The following FSTL4 variants were observed in gnomAD, a reference collection of about 807,000 sequenced individuals.
FSTL4 encodes the protein follistatin-related protein 4.
FSTL4 carries 28 observed loss-of-function variants against 78.2 expected under a neutral mutation model. The observed-to-expected ratio is 0.36, with a 90% CI of 0.27 to 0.49. The LOEUF is 0.49. Ranked by LOEUF, FSTL4 falls within the 20% of genes least tolerant of loss-of-function variation. The probability of loss-of-function intolerance (pLI) is 0.98; values close to 1 mark genes in which losing one functional copy is unlikely to be tolerated. For synonymous variants in FSTL4, 422 were observed against 440.5 expected, an observed-to-expected ratio of 0.96 and a Z score of 0.53; for missense variants, 922 against 1,084.9, an observed-to-expected ratio of 0.85 and a Z score of 2.11.
At chr5:133,830,957 C>G in the FSTL4 span, among the ~76,000 whole-genome samples, 2 of 152,146 alleles carry the variant, frequency 1.3e-5, no homozygotes, top group Non-Finnish European at 2.9e-5. Flanking sequence ...TCCAGGGCCT[C>G]CCAGCTCTCC....
intron 4 of FSTL4, among the ~76,000 whole-genome samples, chr5:133,327,803 T>C (rs1446262437): frequency 2.0e-5 from 3 of 152,178 alleles, no homozygotes; most frequent in Non-Finnish European, 4.4e-5. Flanking sequence ...CCTGCTGGCA[T>C]TTGGCCATGC....
At chr5:133,458,031 CTA>C (rs1757526160) in intron 3 of FSTL4, 1 of 152,210 alleles carries the variant, frequency 6.6e-6, no homozygotes, top group South Asian at 2.1e-4. Context: ...ATCTATCTAT[CTA>C]TACGTTCAGC....
At chr5:133,579,283 TG>T (rs1760351871) in intron 2 of FSTL4, among the ~76,000 whole-genome samples, 1 of 152,192 alleles carries the variant, frequency 6.6e-6, no homozygotes, top group Non-Finnish European at 1.5e-5. Flanking sequence ...CAAGATCTCC[TG>T]GTAAGAATAT....
intron 8 of FSTL4, among the ~76,000 whole-genome samples, chr5:133,229,222 A>T (rs577610906): frequency 2.2e-4 from 33 of 152,368 alleles, no homozygotes; most frequent in African/African-American, 7.5e-4. Flanking sequence ...AACTCCAATT[A>T]AAAAATCAGT....
the FSTL4 span, among the ~76,000 whole-genome samples, chr5:133,750,026 C>A: frequency 6.6e-6 from 1 of 152,136 alleles, no homozygotes; most frequent in Non-Finnish European, 1.5e-5. Flanking sequence ...CAATCCAGAT[C>A]TGTAGGAATT....
At chr5:133,578,934 T>C (rs1198358973) in intron 2 of FSTL4, among the ~76,000 whole-genome samples, 1 of 152,236 alleles carries the variant, frequency 6.6e-6, no homozygotes, top group East Asian at 1.9e-4. Flanking sequence ...ATTAACTTTT[T>C]GATTTGGAAA....
the FSTL4 span, among the ~76,000 whole-genome samples, chr5:133,695,861 C>T: frequency 3.9e-5 from 6 of 152,172 alleles, no homozygotes; most frequent in Non-Finnish European, 7.3e-5. Context: ...TCCATGGAGG[C>T]CAGCCTTAGT....
chr5:133,733,006 G>A, the FSTL4 span, among the ~76,000 whole-genome samples: 45 of 152,220 alleles, frequency 3.0e-4, no homozygotes, highest in Non-Finnish European at 4.8e-4. Context: ...TTCCTGAACA[G>A]TTCAAGTTCT....
the FSTL4 span, among the ~76,000 whole-genome samples, chr5:133,802,124 TG>T: frequency 6.6e-6 from 1 of 152,250 alleles, no homozygotes; most frequent in Non-Finnish European, 1.5e-5. Context: ...GTAATGTCTT[TG>T]GGTTGAACAC....
At chr5:133,319,197 A>T (rs561281050) in intron 4 of FSTL4, among the ~76,000 whole-genome samples, 2 of 152,296 alleles carry the variant, frequency 1.3e-5, no homozygotes, top group South Asian at 4.1e-4. Flanking sequence ...TGCCCAACAG[A>T]CACCTTCTGG....
chr5:133,735,418 C>T, the FSTL4 span, among the ~76,000 whole-genome samples: 1 of 152,088 alleles, frequency 6.6e-6, no homozygotes, highest in Non-Finnish European at 1.5e-5. Context: ...GAGCCGAGAT[C>T]GTGCCACTGC....
intron 3 of FSTL4, among the ~76,000 whole-genome samples, chr5:133,431,203 C>T (rs915172343): frequency 6.6e-6 from 1 of 152,214 alleles, no homozygotes; most frequent in African/African-American, 2.4e-5. Context: ...TCTCACATCA[C>T]TCCAGGCAGC....
At chr5:133,722,079 C>T in the FSTL4 span, among the ~76,000 whole-genome samples, 5 of 152,000 alleles carry the variant, frequency 3.3e-5, no homozygotes, top group Non-Finnish European at 7.4e-5. Flanking sequence ...TTGCAGGGAT[C>T]CCCAACCCCT....
chr5:133,433,296 T>C (rs1376915388), intron 3 of FSTL4, among the ~76,000 whole-genome samples: 1 of 152,174 alleles, frequency 6.6e-6, no homozygotes, highest in African/African-American at 2.4e-5. Context: ...TGCCTGTCCA[T>C]ATTAGTGTCA....
intron 3 of FSTL4, among the ~76,000 whole-genome samples, chr5:133,557,860 T>C (rs1294026721): frequency 6.6e-6 from 1 of 152,182 alleles, no homozygotes. Context: ...GGTTTGTTAT[T>C]TGCAACAAAA....
intron 3 of FSTL4, among the ~76,000 whole-genome samples, chr5:133,525,016 T>C (rs928856433): frequency 6.6e-6 from 1 of 152,202 alleles, no homozygotes; most frequent in Non-Finnish European, 1.5e-5. Context: ...CAGAAAGTCC[T>C]CTGAAACTTT....
At chr5:133,487,335 C>T (rs1208295325) in intron 3 of FSTL4, among the ~76,000 whole-genome samples, 1 of 152,178 alleles carries the variant, frequency 6.6e-6, no homozygotes, top group East Asian at 1.9e-4. Flanking sequence ...ACGTATGTTG[C>T]TGCTTGATAT....
At chr5:133,485,487 A>G (rs1758115119) in intron 3 of FSTL4, among the ~76,000 whole-genome samples, 1 of 152,276 alleles carries the variant, frequency 6.6e-6, no homozygotes, top group Non-Finnish European at 1.5e-5. Flanking sequence ...ATTTCAGTAC[A>G]TGCAGCAACT....
chr5:133,254,769 A>G (rs1038033563), intron 6 of FSTL4, among the ~76,000 whole-genome samples: 2 of 152,162 alleles, frequency 1.3e-5, no homozygotes, highest in African/African-American at 2.4e-5. Flanking sequence ...CACAGGGAGG[A>G]GATGTGGCCC....
Sources: allele counts gnomAD v4.1 joint callset (sites outside exome capture counted in the v4.1 genomes callset), GRCh38; gene constraint gnomAD v4.1.1; transcripts MANE v1.5; gene names NCBI Gene and HGNC (gene_info 2026-07-23, HGNC 2026-07-21).